The following MAML3 variants were observed in gnomAD, a reference collection of about 807,000 sequenced individuals.
MAML3 encodes the protein mastermind-like protein 3.
Under a neutral mutation model 101.9 loss-of-function variants are expected in MAML3, and 27 were observed. The observed-to-expected ratio is 0.27, with a 90% CI of 0.20 to 0.37. The LOEUF (loss-of-function observed/expected upper bound fraction) is 0.37, where lower values mean the gene tolerates loss of function less well. Ranked by LOEUF, MAML3 falls within the 10% of genes least tolerant of loss-of-function variation. MAML3 has a pLI of 1.00. For missense variants in MAML3, 1,316 were observed against 1,444.9 expected, an observed-to-expected ratio of 0.91 and a Z score of 1.45; for synonymous variants, 501 against 555.9, an observed-to-expected ratio of 0.90 and a Z score of 1.39.
chr4:140,044,839 T>A (rs1165795246), intron 1 of MAML3, among the ~76,000 whole-genome samples: 1 of 152,192 alleles, frequency 6.6e-6, no homozygotes, highest in Non-Finnish European at 1.5e-5. Flanking sequence ...GAGTCATTTG[T>A]GTGCCTCTTA....
intron 3 of MAML3, among the ~76,000 whole-genome samples, chr4:139,728,026 G>C (rs1728547749): frequency 6.6e-6 from 1 of 152,114 alleles, no homozygotes; most frequent in Admixed American, 6.5e-5. Flanking sequence ...GACCAGCCTG[G>C]CCAACATGGT....
chr4:140,027,607 TA>T (rs1395625172), intron 1 of MAML3, among the ~76,000 whole-genome samples: 1 of 152,226 alleles, frequency 6.6e-6, no homozygotes, highest in Non-Finnish European at 1.5e-5. Flanking sequence ...TCTACAAATT[TA>T]ATGAATGTGT....
intron 1 of MAML3, among the ~76,000 whole-genome samples, chr4:139,952,422 G>A (rs1357905835): frequency 6.6e-6 from 1 of 152,150 alleles, no homozygotes; most frequent in East Asian, 1.9e-4. Context: ...TGAACTTAAT[G>A]TTTGGCCTCC....
chr4:140,053,779 T>A (rs1727308413), intron 1 of MAML3, among the ~76,000 whole-genome samples: 1 of 152,214 alleles, frequency 6.6e-6, no homozygotes, highest in African/African-American at 2.4e-5. Flanking sequence ...AAACTTTATT[T>A]CTGGACACTA....
At chr4:140,004,917 C>T (rs1726421995) in intron 1 of MAML3, among the ~76,000 whole-genome samples, 2 of 152,044 alleles carry the variant, frequency 1.3e-5, no homozygotes, top group African/African-American at 2.4e-5. Context: ...TTTTCAACTA[C>T]CAAAAACCAA....
intron 1 of MAML3, among the ~76,000 whole-genome samples, chr4:139,948,598 G>C (rs1189077172): frequency 6.6e-6 from 1 of 152,198 alleles, no homozygotes; most frequent in Non-Finnish European, 1.5e-5. Flanking sequence ...TTCCCTAAAG[G>C]ATGACACTAG....
chr4:139,751,621 T>C (rs1729503303), intron 2 of MAML3, among the ~76,000 whole-genome samples: 2 of 152,184 alleles, frequency 1.3e-5, no homozygotes, highest in South Asian at 4.1e-4. Flanking sequence ...TCAACCTGTA[T>C]ATATAACCCA....
chr4:140,120,423 A>C (rs1036240881), intron 1 of MAML3, among the ~76,000 whole-genome samples: 10 of 152,358 alleles, frequency 6.6e-5, no homozygotes, highest in Middle Eastern at 3.4e-3. Context: ...TTTGGTTAAA[A>C]GGCTTCGTAT....
chr4:140,140,858 G>A (rs1728968822), intron 1 of MAML3, among the ~76,000 whole-genome samples: 1 of 152,094 alleles, frequency 6.6e-6, no homozygotes, highest in Non-Finnish European at 1.5e-5. Flanking sequence ...TCAAGGCCAG[G>A]GGTATGTGAG....
chr4:140,088,345 A>G (rs752158106), intron 1 of MAML3, among the ~76,000 whole-genome samples: 1 of 152,190 alleles, frequency 6.6e-6, no homozygotes, highest in Non-Finnish European at 1.5e-5. Context: ...CCCTTCTTTC[A>G]GACAAACCCC....
chr4:139,720,269 C>G lies in MAML3; in HGVS notation c.2471G>C (p.Arg824Pro), dbSNP rs747076119. ...GTTCTGTGCCATCAGCCGTGACGTT[C>G]GCATGCTCTGGAGGGCTGCTTGGCT... is the stretch of plus-strand genomic sequence containing the variant. ...VRSQAALQSMRTSRLMAQNAG... is the reference protein window; with the variant it reads ...VRSQAALQSMPTSRLMAQNAG... The change falls in exon 5 of 5, where the codon CGA becomes CCA. Residue 824 changes from arginine to proline, a missense_variant. By Grantham distance (103) the Arg-to-Pro change is moderately radical. Coordinates refer to ENST00000509479, the MANE Select transcript of MAML3 (RefSeq NM_018717.5). 1 of 1,587,176 alleles carries G rather than the reference C, an allele frequency of 6.3e-7. No individual in the cohort carries two copies. Among genetic ancestry groups the G allele is most frequent in the Non-Finnish European group, 8.6e-7 (1 of 1,164,074 alleles).
intron 2 of MAML3, among the ~76,000 whole-genome samples, chr4:139,848,081 A>C (rs1731480085): frequency 6.6e-6 from 1 of 152,158 alleles, no homozygotes; most frequent in Non-Finnish European, 1.5e-5. Flanking sequence ...CATTCTGACA[A>C]GGAGCTTCAG....
At chr4:140,148,625 CA>C (rs1729103998) in intron 1 of MAML3, among the ~76,000 whole-genome samples, 1 of 151,922 alleles carries the variant, frequency 6.6e-6, no homozygotes, top group Non-Finnish European at 1.5e-5. Context: ...ACGAGCTTGC[CA>C]AAAAAATTGA....
intron 2 of MAML3, among the ~76,000 whole-genome samples, chr4:139,732,016 T>C (rs1489875233): frequency 1.3e-5 from 2 of 152,228 alleles, no homozygotes; most frequent in Non-Finnish European, 2.9e-5. Flanking sequence ...GTAATTAATG[T>C]GAAATGGAGG....
intron 1 of MAML3, among the ~76,000 whole-genome samples, chr4:140,054,214 A>T (rs921116473): frequency 3.9e-5 from 6 of 152,004 alleles, no homozygotes; most frequent in African/African-American, 1.4e-4. Flanking sequence ...TACTAAAAAT[A>T]CAAAAACTAG....
At chr4:139,941,751 C>G (rs1041988107) in intron 1 of MAML3, among the ~76,000 whole-genome samples, 1 of 152,138 alleles carries the variant, frequency 6.6e-6, no homozygotes, top group Non-Finnish European at 1.5e-5. Flanking sequence ...ATCAGCTTTG[C>G]GCCCGATGGT....
chr4:139,735,149 G>C lies in MAML3; in HGVS notation c.2080-4482C>G, dbSNP rs1728884231. On this transcript the variant is annotated intron_variant, in intron 2 of 4. Transcript: ENST00000509479. The surrounding 1 kb of genome is among the most constrained non-coding windows in gnomAD (Gnocchi z 5.8). ...AGTCAAGTGTTACTGCGTACAGCAGGTAGCCTGGCAACTGAGAGCACAATA... is the reference window on the plus strand; with the variant it reads ...AGTCAAGTGTTACTGCGTACAGCAGCTAGCCTGGCAACTGAGAGCACAATA... Among the ~76,000 whole-genome samples the C allele has an allele frequency of 6.6e-6, 1 of 152,252 alleles. No homozygotes were observed. Among genetic ancestry groups the C allele is most frequent in the African/African-American group, 2.4e-5 (1 of 41,468 alleles).
At chr4:139,926,647 T>G (rs1733269399) in intron 1 of MAML3, among the ~76,000 whole-genome samples, 1 of 152,214 alleles carries the variant, frequency 6.6e-6, no homozygotes, top group Non-Finnish European at 1.5e-5. Flanking sequence ...ACTATATTAA[T>G]GACAATTTAT....
At chr4:140,152,640 G>T (rs1729195144) in intron 1 of MAML3, among the ~76,000 whole-genome samples, 1 of 150,366 alleles carries the variant, frequency 6.7e-6, no homozygotes, top group African/African-American at 2.5e-5. Flanking sequence ...CTCCCCTCTC[G>T]CCCCCTCCTC....
Sources: allele counts gnomAD v4.1 joint callset (sites outside exome capture counted in the v4.1 genomes callset), GRCh38; gene constraint gnomAD v4.1.1; non-coding constraint Gnocchi (gnomAD v3.1); transcripts MANE v1.5; gene names NCBI Gene and HGNC (gene_info 2026-07-23, HGNC 2026-07-21).